Variants in TC2N observed in about 807,000 individuals in gnomAD.
TC2N encodes the protein tandem C2 domains nuclear protein.
A neutral mutation model predicts 61.9 loss-of-function variants in TC2N; 51 were observed. That is an observed-to-expected ratio of 0.82 (90% CI 0.66 to 1.04). TC2N has a LOEUF of 1.04. Ranked by LOEUF, TC2N falls within the 50% of genes least tolerant of loss-of-function variation. The probability of loss-of-function intolerance (pLI) is 0.00; values close to 1 mark genes in which losing one functional copy is unlikely to be tolerated. For synonymous variants in TC2N, 204 were observed against 192.6 expected (o/e 1.06, Z -0.49); for missense variants, 556 against 566.7 (o/e 0.98, Z 0.19).
intron 1 of TC2N, among the ~76,000 whole-genome samples, chr14:91,817,382 A>C (rs2139871453): frequency 6.6e-6 from 1 of 152,082 alleles, no homozygotes; most frequent in South Asian, 2.1e-4. Flanking sequence ...AACCACCCAA[A>C]TCAAACGAAT....
At chr14:91,823,445 G>A (rs762832232) in intron 1 of TC2N, among the ~76,000 whole-genome samples, 2 of 151,726 alleles carry the variant, frequency 1.3e-5, no homozygotes, top group African/African-American at 2.4e-5. Context: ...ACTTGAACCC[G>A]GGAGGCGGAG....
intron 9 of TC2N, among the ~76,000 whole-genome samples, chr14:91,790,077 A>T (rs765978741): frequency 6.6e-5 from 10 of 152,198 alleles, no homozygotes; most frequent in Non-Finnish European, 1.5e-4. Flanking sequence ...TGTTCCCCTG[A>T]TCTCCACAAA....
intron 1 of TC2N, among the ~76,000 whole-genome samples, chr14:91,823,296 G>A (rs1309316960): frequency 1.3e-5 from 2 of 151,828 alleles, no homozygotes; most frequent in Non-Finnish European, 2.9e-5. Flanking sequence ...CAAGGCGGGT[G>A]GATCACCTAA....
rs1886034381 is a variant in TC2N, at chr14:91,798,459, G to C, written c.638-60C>G. The C allele has an allele frequency of 4.5e-6, 4 of 892,220 alleles. No individual in the cohort carries two copies. In the Admixed American group the frequency reaches 9.9e-5, roughly 22 times the overall value. 55.3% of individuals were successfully genotyped at this position (892,220 alleles called of 1,614,324 possible). A position where few individuals can be genotyped will look rare whatever the true frequency, so the allele number is the denominator to read the frequency against. ...CATGCAATCCTTCTAACCCAATTAA[G>C]CTTTGACACAATCCAATTTTAAGAG... On this transcript the variant is annotated intron_variant, in intron 6 of 11. Transcript: ENST00000435962.
intron 1 of TC2N, among the ~76,000 whole-genome samples, chr14:91,821,283 T>C (rs758189177): frequency 1.3e-5 from 2 of 151,970 alleles, no homozygotes; most frequent in Non-Finnish European, 2.9e-5. Flanking sequence ...AATAAATCAA[T>C]AGAATTAAAT....
chr14:91,847,308 T>A (rs982416168), intron 1 of TC2N, among the ~76,000 whole-genome samples: 19 of 151,912 alleles, frequency 1.3e-4, no homozygotes, highest in African/African-American at 4.4e-4. Context: ...GTTTAAATCG[T>A]CCACAGTTCT....
intron 1 of TC2N, among the ~76,000 whole-genome samples, chr14:91,835,613 TCTTCCTCTAA>T (rs1159347035): frequency 6.6e-6 from 1 of 152,200 alleles, no homozygotes; most frequent in Non-Finnish European, 1.5e-5. Context: ...ATCCACAGTA[TCTTCCTCTAA>T]AGAAAACCAT....
At chr14:91,793,994 T>C (rs972695457) in intron 8 of TC2N, among the ~76,000 whole-genome samples, 1 of 152,198 alleles carries the variant, frequency 6.6e-6, no homozygotes, top group Non-Finnish European at 1.5e-5. Flanking sequence ...TTAAACATGC[T>C]ACTCCAGTGA....
In TC2N at chr14:91,787,621, G is replaced by A. The variant is rs1393756937; in HGVS notation, c.1054C>T (p.His352Tyr). Residue 352 changes from histidine (H) to tyrosine (Y), a missense_variant, in exon 10 of 12, where the codon CAT becomes TAT. By Grantham distance (83) the His-to-Tyr change is moderately conservative. Transcript: ENST00000435962. ...ITPPSKISVC[H>Y]AELELGTCFQ... is the part of the protein sequence containing the mutation. ...CAAGTCCCCAATTCAAGTTCTGCAT[G>A]GCAAACCTGCATATCAAAAAAGTGT... 1.3e-6 allele frequency: 2 copies of A among 1,592,166 alleles called. No individual in the cohort carries two copies. Among genetic ancestry groups the A allele is most frequent in the African/African-American group, 1.3e-5 (1 of 74,182 alleles).
rs1012130604 is a variant in TC2N, at chr14:91,792,600, G to A, written c.856-42C>T. On this transcript the variant is annotated intron_variant, in intron 8 of 11. Transcript: ENST00000435962. Reference sequence around the variant, plus strand: ...GAAAACATAAAATATATAAATAAAAGGCTTATATGCCAATACAAAATAATA... The same window carrying A: ...GAAAACATAAAATATATAAATAAAAAGCTTATATGCCAATACAAAATAATA... The A allele has an allele frequency of 7.3e-6, 7 of 961,978 alleles. No homozygotes were observed. The African/African-American group carries it at 1.0e-4, about 14-fold the overall frequency. The allele number at this position is 961,978 out of a possible 1,614,324, so 59.6% of individuals were successfully genotyped here.
intron 1 of TC2N, among the ~76,000 whole-genome samples, chr14:91,857,421 C>T (rs538049467): frequency 1.2e-4 from 19 of 152,074 alleles, no homozygotes; most frequent in Non-Finnish European, 2.8e-4. Flanking sequence ...GTTTATAAAC[C>T]GAGTCGTGGC....
intron 11 of TC2N, among the ~76,000 whole-genome samples, chr14:91,784,055 T>C (rs146734238): frequency 6.6e-6 from 1 of 152,224 alleles, no homozygotes; most frequent in Non-Finnish European, 1.5e-5. Context: ...CCCCTTTGGC[T>C]ACCCCATCAT....
chr14:91,809,809 A>G (rs1886684199), intron 3 of TC2N, among the ~76,000 whole-genome samples: 1 of 152,178 alleles, frequency 6.6e-6, no homozygotes, highest in Non-Finnish European at 1.5e-5. Context: ...GCCTTTTCAA[A>G]TATCTGTCTC....
At chr14:91,783,315 T>C in intron 11 of TC2N, 105 bp from the exon 12 acceptor site, 1 of 587,448 alleles carries the variant, frequency 1.7e-6, no homozygotes, top group Non-Finnish European at 2.9e-6. Context: ...AAGTTTGCTT[T>C]ACATATTTTA....
chr14:91,836,742 G>A (rs1250816139), intron 1 of TC2N, among the ~76,000 whole-genome samples: 1 of 151,748 alleles, frequency 6.6e-6, no homozygotes, highest in Admixed American at 6.6e-5. Flanking sequence ...GCGCTTGGCA[G>A]CCCCTTCCTG....
chr14:91,859,273 T>G (rs1375743146), intron 1 of TC2N, among the ~76,000 whole-genome samples: 2 of 152,172 alleles, frequency 1.3e-5, no homozygotes, highest in Non-Finnish European at 2.9e-5. Flanking sequence ...TTTAACTGTA[T>G]GTAAATCTTA....
chr14:91,800,893 TTTC>T (rs1055711402), intron 4 of TC2N, among the ~76,000 whole-genome samples: 4 of 151,924 alleles, frequency 2.6e-5, no homozygotes, highest in African/African-American at 9.7e-5. Flanking sequence ...TAAATAAGCA[TTTC>T]TTCTTTATTT....
At position 91,812,318 on chromosome 14, in the gene TC2N, G is replaced by C; in HGVS notation, c.295C>G (p.Leu99Val). Reference protein sequence around the residue: ...TQETPSHLEELEGSARASFGD... With the variant: ...TQETPSHLEEVEGSARASFGD... ...CTGCTATTTTATTGTTTACCTTCAA[G>C]TTCTTCCAGATGTGAAGGAGTTTCT... is the stretch of plus-strand genomic sequence containing the variant. The change falls in exon 3 of 12, where the codon CTT becomes GTT. Residue 99 changes from leucine to valine, a missense_variant. By Grantham distance (32) the Leu-to-Val change is conservative. Transcript: ENST00000435962. The C allele has an allele frequency of 1.9e-6, 3 of 1,578,088 alleles. No homozygotes were observed. The highest frequency in any genetic ancestry group is 2.6e-6 in the Non-Finnish European group (3 of 1,155,244).
chr14:91,821,961 T>C (rs1021781590), intron 1 of TC2N, among the ~76,000 whole-genome samples: 1 of 152,118 alleles, frequency 6.6e-6, no homozygotes, highest in Admixed American at 6.5e-5. Flanking sequence ...GACAACAATA[T>C]ACATTGATTA....
Sources: gnomAD v4.1 joint callset for allele counts (sites outside exome capture counted in the v4.1 genomes callset) on GRCh38, gnomAD v4.1.1 for gene constraint, MANE v1.5 for transcripts, NCBI Gene and HGNC (gene_info 2026-07-23, HGNC 2026-07-21) for gene names.